The following TXNRD1 variants were observed in gnomAD, a reference collection of about 807,000 sequenced individuals.
The protein encoded by TXNRD1 is thioredoxin reductase 1, cytoplasmic.
Under a neutral mutation model 80.3 loss-of-function variants are expected in TXNRD1, and 57 were observed. The ratio of observed to expected loss-of-function variants is 0.71; its 90% CI spans 0.57 to 0.89. The LOEUF (loss-of-function observed/expected upper bound fraction) is 0.89, where lower values mean the gene tolerates loss of function less well. Ranked by LOEUF, TXNRD1 falls within the 40% of genes least tolerant of loss-of-function variation. TXNRD1 has a pLI of 0.00. For missense variants in TXNRD1, 730 were observed against 803.0 expected, an observed-to-expected ratio of 0.91 and a Z score of 1.10; for synonymous variants, 291 against 285.2, an observed-to-expected ratio of 1.02 and a Z score of -0.20.
In TXNRD1 at chr12:104,305,132, A is replaced by G. The variant is rs145718887; in HGVS notation, c.415-6158A>G. ...GATCTTCTGTTATTAAAACAAATTC[A>G]CTGGCATATTTATGGGAACGTTTTA... On this transcript the variant is annotated intron_variant, in intron 4 of 16. Coordinates refer to ENST00000525566, the MANE Select transcript of TXNRD1 (RefSeq NM_001093771.3). The G allele has an allele frequency of 1.9e-3, 1,009 of 534,846 alleles. 15 individuals carry two copies. In the East Asian group the frequency reaches 0.03, roughly 16 times the overall value. 33.1% of individuals were successfully genotyped at this position (534,846 alleles called of 1,614,324 possible).
chr12:104,252,660 T>TA lies in TXNRD1; in HGVS notation c.243+982_243+983insA, dbSNP rs1182730147. ...TTCACTGAGAGGTTAATTTATTATT[T>TA]TTTATATATATATATATATATATAT... On this transcript the variant is annotated intron_variant, in intron 2 of 16. Coordinates refer to ENST00000525566, the MANE Select transcript of TXNRD1 (RefSeq NM_001093771.3). Among the ~76,000 whole-genome samples the TA allele has an allele frequency of 1.9e-3, 99 of 53,194 alleles. 1 individual carries two copies. The highest frequency in any genetic ancestry group is 2.4e-3 in the Non-Finnish European group (73 of 30,642). 34.9% of individuals were successfully genotyped at this position (53,194 alleles called of 152,430 possible).
chr12:104,343,485 A>G (rs868291455), intron 16 of TXNRD1, among the ~76,000 whole-genome samples: 8 of 152,142 alleles, frequency 5.3e-5, no homozygotes, highest in Non-Finnish European at 1.2e-4. Flanking sequence ...CCAGGTTTTC[A>G]GAAGCTTAGT....
chr12:104,292,566 T>C (rs1027196880), intron 4 of TXNRD1, among the ~76,000 whole-genome samples: 1 of 152,132 alleles, frequency 6.6e-6, no homozygotes, highest in Non-Finnish European at 1.5e-5. Flanking sequence ...GCTAATTTTG[T>C]ATTTTTTTAG....
chr12:104,311,479 AG>A, intron 5 of TXNRD1, 67 bp downstream of exon 5: 2 of 1,568,234 alleles, frequency 1.3e-6, no homozygotes. Context: ...CATCCCTGAC[AG>A]GGTTCTCTCC....
rs764399017 is a variant in TXNRD1 at position 104,215,913 on chromosome 12, C to G, written c.91+20C>G. On this transcript the variant is annotated intron_variant, in intron 1 of 16. Transcript: ENST00000525566. ...GGTCAGGTACGACCGAGGGCGAAGG[C>G]CTGGTCCCCAGGTCGACGGGCCGAA... 4 of 1,542,848 alleles carry G rather than the reference C, an allele frequency of 2.6e-6. No homozygotes were observed. The South Asian group carries it at 4.8e-5, about 18-fold the overall frequency.
At chr12:104,219,851 A>C (rs1337358674) in intron 1 of TXNRD1, among the ~76,000 whole-genome samples, 1 of 151,960 alleles carries the variant, frequency 6.6e-6, no homozygotes, top group African/African-American at 2.4e-5. Context: ...AGCTTCTTCT[A>C]GTAAGGAGAG....
At chr12:104,344,229 T>TC (rs2036419294) in intron 16 of TXNRD1, among the ~76,000 whole-genome samples, 1 of 152,192 alleles carries the variant, frequency 6.6e-6, no homozygotes, top group South Asian at 2.1e-4. Flanking sequence ...AGCTGTTTTT[T>TC]CCCCAGGATA....
rs1026897261 is a variant in TXNRD1 at position 104,292,774 on chromosome 12, T to G, written c.414+3734T>G. On this transcript the variant is annotated intron_variant, in intron 4 of 16. Coordinates refer to ENST00000525566, the MANE Select transcript of TXNRD1 (RefSeq NM_001093771.3). ...AAATGTCAAGTTTGAGACGCTTTAA[T>G]ATTATTGTACATAGGGTAGTTTGAT... Among the ~76,000 whole-genome samples, 6 of 152,190 alleles carry G rather than the reference T, an allele frequency of 3.9e-5. 1 individual carries two copies. Among genetic ancestry groups the G allele is most frequent in the Admixed American group, 3.3e-4 (5 of 15,274 alleles).
Position 104,346,625 on chromosome 12 carries a change from C to A in TXNRD1, c.1882-1728C>A, listed in dbSNP as rs112304945. Among the ~76,000 whole-genome samples, 1,001 of 152,184 alleles carry A rather than the reference C, an allele frequency of 6.6e-3. 13 individuals carry two copies. Among genetic ancestry groups the A allele is most frequent in the African/African-American group, 0.023 (941 of 41,502 alleles). On this transcript the variant is annotated intron_variant, in intron 16 of 16. Transcript: ENST00000525566. ...TTTCTAACACAGTTATTTTTATTAT[C>A]ATGTATTGTTTCCCCGTCCTCATCT...
intron 13 of TXNRD1, among the ~76,000 whole-genome samples, chr12:104,328,086 A>G (rs372934243): frequency 5.3e-5 from 8 of 151,164 alleles, no homozygotes; most frequent in African/African-American, 1.9e-4. Context: ...TTGAACGGGG[A>G]ACTGGGAGGC....
rs374200545 is a variant in TXNRD1 at position 104,290,978 on chromosome 12, CT to C, written c.414+1946del. On this transcript the variant is annotated intron_variant, in intron 4 of 16. Transcript: ENST00000525566. ...TTTTTTCTTTTTTTTTAATTGAAAA[CT>C]TTTTTTTCTTTAGAGATGGAGGTCT... 322 of 652,672 alleles carry C rather than the reference CT, an allele frequency of 4.9e-4. 2 individuals are homozygous for C. The East Asian group carries it at 6.8e-3, about 14-fold the overall frequency. The allele number at this position is 652,672 out of a possible 1,614,324, so 40.4% of individuals were successfully genotyped here.
intron 16 of TXNRD1, among the ~76,000 whole-genome samples, chr12:104,340,020 A>G (rs764732346): frequency 2.0e-5 from 3 of 152,194 alleles, no homozygotes; most frequent in African/African-American, 7.2e-5. Context: ...CTGTCTGTTC[A>G]TGGTTGCTTT....
At chr12:104,221,845 G>T (rs1565850052) in intron 1 of TXNRD1, among the ~76,000 whole-genome samples, 1 of 152,184 alleles carries the variant, frequency 6.6e-6, no homozygotes, top group Non-Finnish European at 1.5e-5. Context: ...GAATTAAGAG[G>T]CCACAATTAA....
chr12:104,326,359 A>G lies in TXNRD1; in HGVS notation c.1321A>G (p.Ile441Val). Residue 441 changes from isoleucine to valine, a missense_variant, in exon 12 of 17, where the codon ATA (isoleucine) becomes GTA (valine). Ile to Val is a conservative substitution (Grantham distance 29). Transcript: ENST00000525566. ...AATAATTTTTCAGGTGATGCTGGCA[A>G]TAGGAAGAGATGCTTGCACAAGAAA... ...EGEYNTVMLA[I>V]GRDACTRKIG... The G allele has an allele frequency of 6.3e-7, 1 of 1,591,078 alleles. No individual in the cohort carries two copies. The highest frequency in any genetic ancestry group is 1.8e-5 in the Admixed American group (1 of 56,452).
At chr12:104,246,406 C>T (rs149267768) in intron 1 of TXNRD1, among the ~76,000 whole-genome samples, 27,377 of 150,552 alleles carry the variant, frequency 0.18, 3,125 homozygotes, top group East Asian at 0.56. Flanking sequence ...CCAGCCTGGG[C>T]GACAGTGCGA....
intron 3 of TXNRD1, chr12:104,287,253 T>C (rs1234189391): frequency 5.0e-6 from 8 of 1,613,670 alleles, no homozygotes; most frequent in South Asian, 2.2e-5. Context: ...TTTTAAGGCG[T>C]GTCTGAGCAG....
At chr12:104,290,748 T>G (rs1252964203) in intron 4 of TXNRD1, among the ~76,000 whole-genome samples, 5 of 122,644 alleles carry the variant, frequency 4.1e-5, no homozygotes, top group Non-Finnish European at 6.9e-5. Context: ...TATATATATA[T>G]ATATATATAT....
chr12:104,291,320 C>A (rs2034204168), intron 4 of TXNRD1, among the ~76,000 whole-genome samples: 1 of 150,724 alleles, frequency 6.6e-6, no homozygotes, highest in South Asian at 2.1e-4. Context: ...CCTGCCTCAG[C>A]CTCCCGAGTA....
rs752833121 is a variant in TXNRD1, at chr12:104,339,195, C to G, written c.1803C>G (p.Gly601=). The change falls in exon 16 of 17, where the codon GGC becomes GGG. Residue 601 remains glycine, a synonymous_variant. Transcript: ENST00000525566. ...LGPNAGEVTQ[G]FAAALKCGLT... is the part of the protein sequence containing the mutation. ...CAAATGCTGGAGAAGTTACACAAGGCTTTGCAGCTGCGCTCAAATGTGGAC... is the reference window on the plus strand; with the variant it reads ...CAAATGCTGGAGAAGTTACACAAGGGTTTGCAGCTGCGCTCAAATGTGGAC... 2.5e-6 allele frequency: 4 copies of G among 1,613,990 alleles called. No homozygotes were observed. Among genetic ancestry groups the G allele is most frequent in the Non-Finnish European group, 3.4e-6 (4 of 1,179,880 alleles).
Sources: gnomAD v4.1 joint callset for allele counts (sites outside exome capture counted in the v4.1 genomes callset) on GRCh38, gnomAD v4.1.1 for gene constraint, MANE v1.5 for transcripts, NCBI Gene and HGNC (gene_info 2026-07-23, HGNC 2026-07-21) for gene names.